The following TUSC3 variants were observed in gnomAD, a reference collection of about 807,000 sequenced individuals.
TUSC3 encodes the protein tumor suppressor candidate 3, also known as dolichyl-diphosphooligosaccharide--protein glycosyltransferase subunit TUSC3.
Under a neutral mutation model 44.8 loss-of-function variants are expected in TUSC3, and 45 were observed. That is an observed-to-expected ratio of 1.00 (90% CI 0.79 to 1.29). The LOEUF is 1.29. Among genes scored for constraint, TUSC3 ranks in the 50% most tolerant of loss-of-function variants. TUSC3 has a pLI of 0.00. For missense variants in TUSC3, 519 were observed against 437.9 expected (o/e 1.19, Z -1.65); for synonymous variants, 212 against 152.9 (o/e 1.39, Z -2.85).
At chr8:15,419,129 A>G (rs1799693887) in intron 1 of TUSC3, among the ~76,000 whole-genome samples, 1 of 152,206 alleles carries the variant, frequency 6.6e-6, no homozygotes, top group Non-Finnish European at 1.5e-5. Context: ...TGCTGTGTAA[A>G]GAAGTCCATT....
At chr8:15,812,633 G>T in the TUSC3 span, among the ~76,000 whole-genome samples, 1 of 152,268 alleles carries the variant, frequency 6.6e-6, no homozygotes, top group East Asian at 1.9e-4. Flanking sequence ...CAGCTTACTG[G>T]GGATGGAGGA....
chr8:15,621,084 C>G (rs1585161420), intron 1 of TUSC3, among the ~76,000 whole-genome samples: 2 of 151,964 alleles, frequency 1.3e-5, no homozygotes, highest in South Asian at 4.1e-4. Flanking sequence ...GACCAGTTCT[C>G]TTCTGCCCTC....
At chr8:15,848,091 G>A in the TUSC3 span, among the ~76,000 whole-genome samples, 354 of 151,798 alleles carry the variant, frequency 2.3e-3, 2 homozygotes, top group Middle Eastern at 3.4e-3. Flanking sequence ...TTCCTTCCCC[G>A]TGCCAATACT....
intron 6 of TUSC3, among the ~76,000 whole-genome samples, chr8:15,687,103 A>T (rs1291262422): frequency 6.6e-6 from 1 of 152,174 alleles, no homozygotes; most frequent in Non-Finnish European, 1.5e-5. Flanking sequence ...AAATGGTAAG[A>T]CAAGAGTAAT....
intron 2 of TUSC3, among the ~76,000 whole-genome samples, chr8:15,644,888 T>G (rs1028401274): frequency 2.0e-5 from 3 of 152,124 alleles, no homozygotes; most frequent in African/African-American, 7.2e-5. Context: ...TGTATTTGAG[T>G]CAAGAAAATG....
intron 10 of TUSC3, among the ~76,000 whole-genome samples, chr8:15,760,081 T>G (rs919421809): frequency 6.6e-6 from 1 of 152,162 alleles, no homozygotes; most frequent in Non-Finnish European, 1.5e-5. Context: ...ATACATCACT[T>G]ATTGTAGGGT....
the TUSC3 span, chr8:15,806,477 G>C: frequency 1.1e-6 from 1 of 899,778 alleles, no homozygotes. Context: ...ATGCAAACAG[G>C]TGTCGACTAT....
intron 2 of TUSC3, among the ~76,000 whole-genome samples, chr8:15,485,492 A>G (rs962484518): frequency 1.2e-4 from 17 of 144,456 alleles, no homozygotes; most frequent in African/African-American, 4.2e-4. Context: ...TGTGACACAG[A>G]GTTCTTGTCA....
chr8:15,850,111 C>CTT, the TUSC3 span, among the ~76,000 whole-genome samples: 5,437 of 145,286 alleles, frequency 0.037, 316 homozygotes, highest in African/African-American at 0.12. Context: ...CTTGTTTATC[C>CTT]TTTTTTTTTT....
the TUSC3 span, among the ~76,000 whole-genome samples, chr8:15,807,765 G>A: frequency 6.6e-6 from 1 of 152,156 alleles, no homozygotes; most frequent in Non-Finnish European, 1.5e-5. Context: ...CACAGGAACA[G>A]AAAAACAAAT....
At chr8:15,555,306 T>G (rs1802217602) in intron 1 of TUSC3, among the ~76,000 whole-genome samples, 1 of 113,112 alleles carries the variant, frequency 8.8e-6, no homozygotes, top group Non-Finnish European at 1.9e-5. Flanking sequence ...TTTTTTTTTT[T>G]TTTTTAAAGA....
At chr8:15,574,394 A>C in intron 1 of TUSC3, among the ~76,000 whole-genome samples, 1 of 152,148 alleles carries the variant, frequency 6.6e-6, no homozygotes, top group Admixed American at 6.5e-5. Flanking sequence ...TTTAGTGGTC[A>C]ACTTACATTC....
intron 6 of TUSC3, among the ~76,000 whole-genome samples, chr8:15,713,274 C>A (rs1443553668): frequency 6.6e-6 from 1 of 152,024 alleles, no homozygotes; most frequent in East Asian, 1.9e-4. Context: ...TGTGCTTTTC[C>A]ACACATATTT....
At chr8:15,581,604 C>T (rs375912821) in intron 1 of TUSC3, among the ~76,000 whole-genome samples, 2,141 of 146,508 alleles carry the variant, frequency 0.015, 34 homozygotes, top group Non-Finnish European at 0.02. Flanking sequence ...GCCCCTGCTG[C>T]GGGGTGCCTC....
chr8:15,814,611 T>C, the TUSC3 span, among the ~76,000 whole-genome samples: 1 of 152,216 alleles, frequency 6.6e-6, no homozygotes, highest in Non-Finnish European at 1.5e-5. Context: ...AAAATATATA[T>C]TTATGTTCAC....
At chr8:15,634,841 C>T (rs202021749) in intron 2 of TUSC3, among the ~76,000 whole-genome samples, 7 of 152,150 alleles carry the variant, frequency 4.6e-5, no homozygotes, top group Non-Finnish European at 8.8e-5. Context: ...ATCAGATGTT[C>T]GTCTGGAGAG....
At chr8:15,807,073 A>C in the TUSC3 span, 1 of 1,391,882 alleles carries the variant, frequency 7.2e-7, no homozygotes, top group Non-Finnish European at 1.0e-6. Flanking sequence ...TGCTCACAGC[A>C]GTATTTGGCA....
At chr8:15,671,485 A>C (rs1157351358) in intron 5 of TUSC3, among the ~76,000 whole-genome samples, 4 of 152,032 alleles carry the variant, frequency 2.6e-5, no homozygotes, top group African/African-American at 9.7e-5. Flanking sequence ...TTAGAAGTGC[A>C]TGTTACTCAG....
intron 6 of TUSC3, among the ~76,000 whole-genome samples, chr8:15,723,224 A>G (rs1425483839): frequency 6.6e-6 from 1 of 152,108 alleles, no homozygotes; most frequent in Non-Finnish European, 1.5e-5. Flanking sequence ...CATACTCCAC[A>G]ACAGATCGTG....
Sources: allele counts gnomAD v4.1 joint callset (sites outside exome capture counted in the v4.1 genomes callset), GRCh38; gene constraint gnomAD v4.1.1; transcripts MANE v1.5; gene names NCBI Gene and HGNC (gene_info 2026-07-23, HGNC 2026-07-21).